Variants in RAB31 observed in about 807,000 individuals in gnomAD.
RAB31 encodes ras-related protein Rab-31.
In RAB31, 21 loss-of-function variants were observed where a neutral mutation model predicts 25.6. That is an observed-to-expected ratio of 0.82 (90% CI 0.58 to 1.18). The LOEUF is 1.18. Ranked by LOEUF, RAB31 falls within the 50% of genes most tolerant of loss-of-function variation. The pLI is 0.00. For missense variants in RAB31, 196 were observed against 250.1 expected (o/e 0.78, Z 1.46); for synonymous variants, 87 against 84.0 (o/e 1.04, Z -0.20).
intron 1 of RAB31, among the ~76,000 whole-genome samples, chr18:9,740,868 G>A (rs1026160146): frequency 1.3e-5 from 2 of 152,124 alleles, no homozygotes; most frequent in Non-Finnish European, 2.9e-5. Context: ...TGCTGCACAG[G>A]GGTCTCTAAT....
At chr18:9,829,195 C>T (rs2068665063) in intron 5 of RAB31, among the ~76,000 whole-genome samples, 1 of 152,160 alleles carries the variant, frequency 6.6e-6, no homozygotes, top group South Asian at 2.1e-4. Context: ...CTTCTCTCCA[C>T]CCAGAAGTAA....
intron 5 of RAB31, among the ~76,000 whole-genome samples, chr18:9,817,855 C>A (rs2068606769): frequency 6.6e-6 from 1 of 152,212 alleles, no homozygotes; most frequent in South Asian, 2.1e-4. Flanking sequence ...CATCTCACTT[C>A]CAACCGTGAA....
rs1357119198 is a variant in RAB31, at chr18:9,760,125, T to C, written c.40-15153T>C. The stretch of plus-strand genomic sequence containing the variant: ...ATCTTCCACATTTTCTCTGGTGCTT[T>C]AGAATTCGTTTAATGAAATGAGCTT... On this transcript the variant is annotated intron_variant, in intron 1 of 6. Transcript: ENST00000578921. Among the ~76,000 whole-genome samples, 5 of 152,174 alleles carry C rather than the reference T, an allele frequency of 3.3e-5. No individual in the cohort carries two copies. In the East Asian group the frequency reaches 9.7e-4, roughly 29 times the overall value.
At chr18:9,790,651 G>A (rs1458501457) in intron 2 of RAB31, among the ~76,000 whole-genome samples, 1 of 152,146 alleles carries the variant, frequency 6.6e-6, no homozygotes, top group Non-Finnish European at 1.5e-5. Flanking sequence ...TAATCTCCCT[G>A]TATTTTTCTG....
At chr18:9,737,933 A>G (rs2068158703) in intron 1 of RAB31, among the ~76,000 whole-genome samples, 3 of 152,222 alleles carry the variant, frequency 2.0e-5, no homozygotes, top group South Asian at 2.1e-4. Context: ...TCTGCCCCCC[A>G]CGCTAACCAA....
chr18:9,846,478 C>G (rs531559329), intron 6 of RAB31, among the ~76,000 whole-genome samples: 1 of 152,178 alleles, frequency 6.6e-6, no homozygotes, highest in African/African-American at 2.4e-5. Context: ...AAAGTTCGAC[C>G]GGAGCATTAT....
At chr18:9,857,243 AG>A (rs1471001111) in intron 6 of RAB31, among the ~76,000 whole-genome samples, 1 of 129,546 alleles carries the variant, frequency 7.7e-6, no homozygotes, top group Non-Finnish European at 1.7e-5. Context: ...TTTATGCTGA[AG>A]CTTTGGTGAC....
chr18:9,859,309 G>C lies in RAB31; in HGVS notation c.572G>C (p.Ser191Thr), dbSNP rs761911283. ...GTTGAGAAGCCAACCATGCAAGCCA[G>C]CCGCCGGTGCTGTTGACCCAAGGGC... is the stretch of plus-strand genomic sequence containing the variant. ...IKVEKPTMQASRRCC is the reference protein window; with the variant it reads ...IKVEKPTMQATRRCC The change falls in exon 7 of 7, where the codon AGC (serine) becomes ACC (threonine). Residue 191 changes from serine (S) to threonine (T), a missense_variant. Physicochemically the swap from Ser to Thr is moderately conservative, Grantham distance 58. Transcript: ENST00000578921. 9.9e-6 allele frequency: 16 copies of C among 1,612,798 alleles called. No individual in the cohort carries two copies. Among genetic ancestry groups the C allele is most frequent in the African/African-American group, 1.3e-5 (1 of 75,000 alleles).
intron 1 of RAB31, among the ~76,000 whole-genome samples, chr18:9,717,095 TTTGAGACAG>T: frequency 6.6e-6 from 1 of 152,042 alleles, no homozygotes; most frequent in South Asian, 2.1e-4. Flanking sequence ...TTTTTTGTTT[TTTGAGACAG>T]GGTCTTACTC....
intron 1 of RAB31, among the ~76,000 whole-genome samples, chr18:9,732,471 AAT>A (rs2068128583): frequency 6.6e-6 from 1 of 152,190 alleles, no homozygotes; most frequent in African/African-American, 2.4e-5. Flanking sequence ...CTCTGTTCAC[AAT>A]CTCTGGTCCT....
chr18:9,808,735 A>G (rs1288509896), intron 3 of RAB31, among the ~76,000 whole-genome samples: 2 of 152,172 alleles, frequency 1.3e-5, no homozygotes, highest in South Asian at 2.1e-4. Flanking sequence ...GAGCGACTCA[A>G]CAGGGACAGA....
intron 1 of RAB31, among the ~76,000 whole-genome samples, chr18:9,743,084 A>C (rs1049164139): frequency 1.3e-5 from 2 of 152,234 alleles, no homozygotes; most frequent in East Asian, 1.9e-4. Context: ...CATTGTACCA[A>C]GGGAAATGAG....
intron 6 of RAB31, among the ~76,000 whole-genome samples, chr18:9,846,673 C>T (rs2068763535): frequency 6.6e-6 from 1 of 152,178 alleles, no homozygotes; most frequent in Admixed American, 6.5e-5. Context: ...TTTGGCAGAG[C>T]TCTCAAAGTC....
chr18:9,763,841 G>A (rs1033550244), intron 1 of RAB31, among the ~76,000 whole-genome samples: 55 of 152,128 alleles, frequency 3.6e-4, no homozygotes, highest in Non-Finnish European at 6.6e-4. Flanking sequence ...TCCTGTGGAA[G>A]ATTTACACTG....
chr18:9,834,891 T>G (rs2068696502), intron 5 of RAB31, among the ~76,000 whole-genome samples: 1 of 152,230 alleles, frequency 6.6e-6, no homozygotes, highest in South Asian at 2.1e-4. Flanking sequence ...TATTAAGAAC[T>G]ACAACTATCT....
chr18:9,785,783 G>A (rs746329686), intron 2 of RAB31, among the ~76,000 whole-genome samples: 29 of 143,846 alleles, frequency 2.0e-4, no homozygotes, highest in Non-Finnish European at 1.4e-4. Flanking sequence ...TGTGTAGGTC[G>A]GGCACAGTGG....
intron 5 of RAB31, among the ~76,000 whole-genome samples, chr18:9,843,931 G>A (rs1324231022): frequency 4.0e-5 from 6 of 150,788 alleles, no homozygotes; most frequent in Admixed American, 6.6e-5. Flanking sequence ...AATTTCCTTG[G>A]TAACTTTAAA....
chr18:9,852,573 T>C (rs1568196698), intron 6 of RAB31, among the ~76,000 whole-genome samples: 4 of 151,864 alleles, frequency 2.6e-5, no homozygotes, highest in Non-Finnish European at 2.9e-5. Context: ...TTTAAGACAA[T>C]ATGGATTTTG....
intron 5 of RAB31, among the ~76,000 whole-genome samples, chr18:9,839,854 T>C (rs11873476): frequency 0.053 from 8,092 of 152,220 alleles, 605 homozygotes; most frequent in African/African-American, 0.16. Flanking sequence ...GACTCAGTGC[T>C]TTCATTCCCA....
Sources: allele counts gnomAD v4.1 joint callset (sites outside exome capture counted in the v4.1 genomes callset), GRCh38; gene constraint gnomAD v4.1.1; transcripts MANE v1.5; gene names NCBI Gene and HGNC (gene_info 2026-07-23, HGNC 2026-07-21).